Variants in VPS13D observed in about 807,000 individuals in gnomAD.
VPS13D encodes the protein intermembrane lipid transfer protein VPS13D.
VPS13D carries 187 observed loss-of-function variants against 461.9 expected under a neutral mutation model. The observed-to-expected ratio is 0.40, with a 90% CI of 0.36 to 0.46. VPS13D has a LOEUF of 0.46. Among genes scored for constraint, VPS13D ranks in the 20% least tolerant of loss-of-function variants. VPS13D has a pLI of 0.60. For synonymous variants in VPS13D, 1,951 were observed against 1,986.3 expected, an observed-to-expected ratio of 0.98 and a Z score of 0.47; for missense variants, 4,711 against 5,364.9, an observed-to-expected ratio of 0.88 and a Z score of 3.81.
At chr1:12,471,026 G>A (rs978213926) in intron 67 of VPS13D, among the ~76,000 whole-genome samples, 11 of 152,274 alleles carry the variant, frequency 7.2e-5, no homozygotes, top group Middle Eastern at 3.4e-3. Flanking sequence ...TGGGGGCCAG[G>A]CATGGTGGCT....
chr1:12,354,212 A>G lies in VPS13D; in HGVS notation c.9670A>G (p.Ile3224Val). Residue 3224 changes from isoleucine to valine, a missense_variant, in exon 47 of 70, where the codon ATT becomes GTT. Coordinates refer to ENST00000620676, the MANE Select transcript of VPS13D (RefSeq NM_015378.4). Reference sequence around the variant, plus strand: ...CCATACAGCTGATACATCCCAGAACATTGAGCTGGGTAAGAATGTAGTCAG... The same window carrying G: ...CCATACAGCTGATACATCCCAGAACGTTGAGCTGGGTAAGAATGTAGTCAG... ...ALHTADTSQN[I>V]ELGVSLENFP... The G allele has an allele frequency of 6.2e-7, 1 of 1,614,130 alleles. No individual in the cohort carries two copies. Among genetic ancestry groups the G allele is most frequent in the Non-Finnish European group, 8.5e-7 (1 of 1,179,988 alleles).
chr1:12,436,476 C>A (rs1645061897), intron 65 of VPS13D, among the ~76,000 whole-genome samples: 1 of 152,128 alleles, frequency 6.6e-6, no homozygotes, highest in Non-Finnish European at 1.5e-5. Context: ...AGGAGCTGGC[C>A]TAGTGGGGAA....
In VPS13D at chr1:12,363,117, A is replaced by G; in HGVS notation, c.10318A>G (p.Ser3440Gly). The change falls in exon 52 of 70, where the codon AGT becomes GGT. Residue 3440 changes from serine to glycine, a missense_variant. Transcript: ENST00000620676. ...EGYISTLPGS[S>G]VVFHWPRNDY... ...TTACATTTCCACCCTTCCTGGTTCC[A>G]GTGTGGTGTTCCACTGGCCTCGGAA... 6.2e-7 allele frequency: 1 copy of G among 1,614,210 alleles called. No homozygotes were observed. The highest frequency in any genetic ancestry group is 8.5e-7 in the Non-Finnish European group (1 of 1,180,036).
chr1:12,251,512 C>A (rs932747521), intron 6 of VPS13D, among the ~76,000 whole-genome samples: 1 of 152,186 alleles, frequency 6.6e-6, no homozygotes, highest in Admixed American at 6.5e-5. Flanking sequence ...AGGACCCACA[C>A]AGTAAAAAGA....
At chr1:12,255,685 G>A (rs1286902378) in intron 7 of VPS13D, among the ~76,000 whole-genome samples, 1 of 151,944 alleles carries the variant, frequency 6.6e-6, no homozygotes, top group African/African-American at 2.4e-5. Context: ...AAGGTCAGGA[G>A]ATCGAGACCA....
At chr1:12,384,704 C>T (rs552086925) in intron 58 of VPS13D, among the ~76,000 whole-genome samples, 24 of 152,214 alleles carry the variant, frequency 1.6e-4, no homozygotes, top group African/African-American at 3.4e-4. Flanking sequence ...ATTATAGCCT[C>T]GAACTCCTGG....
intron 55 of VPS13D, among the ~76,000 whole-genome samples, chr1:12,377,455 T>C (rs1311424435): frequency 2.0e-5 from 3 of 152,216 alleles, no homozygotes; most frequent in Admixed American, 6.5e-5. Context: ...ATGGATTATA[T>C]AGACTTTCAT....
At chr1:12,479,835 C>G (rs1239786842) in intron 67 of VPS13D, among the ~76,000 whole-genome samples, 2 of 152,198 alleles carry the variant, frequency 1.3e-5, no homozygotes, top group African/African-American at 4.8e-5. Context: ...TGCAAAGACC[C>G]TGGTTCACTT....
intron 35 of VPS13D, among the ~76,000 whole-genome samples, chr1:12,326,537 T>C (rs1316800744): frequency 1.3e-5 from 2 of 152,022 alleles, no homozygotes; most frequent in African/African-American, 4.8e-5. Context: ...GGTCTTGCTA[T>C]GTTGCCCAGG....
chr1:12,426,464 C>G (rs1644925804), intron 65 of VPS13D, among the ~76,000 whole-genome samples: 1 of 152,190 alleles, frequency 6.6e-6, no homozygotes, highest in Non-Finnish European at 1.5e-5. Context: ...ATTTTCAGGG[C>G]AGAGTACCCA....
At chr1:12,359,616 A>G (rs530958488) in intron 50 of VPS13D, among the ~76,000 whole-genome samples, 141 of 152,336 alleles carry the variant, frequency 9.3e-4, no homozygotes, top group Non-Finnish European at 1.5e-3. Context: ...ATGTGATATC[A>G]TTTACATATT....
chr1:12,405,700 T>C (rs1644644056), intron 63 of VPS13D, among the ~76,000 whole-genome samples: 1 of 152,240 alleles, frequency 6.6e-6, no homozygotes, highest in Non-Finnish European at 1.5e-5. Context: ...CACTATCTTG[T>C]TAATATCCAC....
intron 65 of VPS13D, among the ~76,000 whole-genome samples, chr1:12,434,191 A>G (rs1475258967): frequency 6.6e-6 from 1 of 152,164 alleles, no homozygotes; most frequent in Non-Finnish European, 1.5e-5. Flanking sequence ...CTTTTGCCGC[A>G]GTCTCCCTGG....
In VPS13D at chr1:12,331,093, C is replaced by G. The variant is rs115602738; in HGVS notation, c.8287+1175C>G. 5.6e-3 allele frequency among the ~76,000 whole-genome samples: 853 copies of G among 152,216 alleles called. 8 individuals carry two copies. The highest frequency in any genetic ancestry group is 0.019 in the African/African-American group (776 of 41,520). ...GTTTCTTTCTTCCCATTTGAAAGAC[C>G]AAGGTAAGAGCCTATACATACAGGT... is the stretch of plus-strand genomic sequence containing the variant. On this transcript the variant is annotated intron_variant, in intron 37 of 69. Transcript: ENST00000620676.
chr1:12,244,966 G>T (rs1427920407), intron 5 of VPS13D, among the ~76,000 whole-genome samples: 1 of 152,122 alleles, frequency 6.6e-6, no homozygotes, highest in Non-Finnish European at 1.5e-5. Flanking sequence ...ATGACTGTAT[G>T]GTTTCAGGGT....
At position 12,275,906 on chromosome 1, in the gene VPS13D, C is replaced by T. The variant is rs1329219618; in HGVS notation, c.2318C>T (p.Ala773Val). Reference sequence around the variant, plus strand: ...GATGATGAATATAAGACCCCCCTGGCCACACCTCCTAACACCCCACCTCCC... The same window carrying T: ...GATGATGAATATAAGACCCCCCTGGTCACACCTCCTAACACCCCACCTCCC... ...FSDDEYKTPL[A>V]TPPNTPPPES... Residue 773 changes from alanine to valine, a missense_variant, in exon 19 of 70, where the codon GCC becomes GTC. Ala to Val is a moderately conservative substitution (Grantham distance 64). Transcript: ENST00000620676. 24 of 1,613,800 alleles carry T rather than the reference C, an allele frequency of 1.5e-5. No individual in the cohort carries two copies. Among genetic ancestry groups the T allele is most frequent in the Non-Finnish European group, 1.9e-5 (22 of 1,179,962 alleles).
At chr1:12,469,713 G>T (rs371819878) in intron 67 of VPS13D, among the ~76,000 whole-genome samples, 1 of 152,166 alleles carries the variant, frequency 6.6e-6, no homozygotes. Context: ...CTTTTACTGG[G>T]TTTCTAGAAG....
Position 12,304,547 on chromosome 1 carries a change from C to G in VPS13D, c.6258C>G (p.His2086Gln). The change falls in exon 26 of 70, where the codon CAC becomes CAG. Residue 2086 changes from histidine (H) to glutamine (Q), a missense_variant. Physicochemically the swap from His to Gln is conservative, Grantham distance 24. Coordinates refer to ENST00000620676, the MANE Select transcript of VPS13D (RefSeq NM_015378.4). Reference sequence around the variant, plus strand: ...CTTCCCCAACGGGTATTCCCAAACACAGTCTGAGGAAAACGACAAGCACGG... The same window carrying G: ...CTTCCCCAACGGGTATTCCCAAACAGAGTCTGAGGAAAACGACAAGCACGG... ...PSASPTGIPK[H>Q]SLRKTTSTEE... 2 of 1,614,084 alleles carry G rather than the reference C, an allele frequency of 1.2e-6. No individual in the cohort carries two copies. Among genetic ancestry groups the G allele is most frequent in the Non-Finnish European group, 1.7e-6 (2 of 1,180,000 alleles).
chr1:12,452,270 A>G (rs144662399), intron 65 of VPS13D, among the ~76,000 whole-genome samples: 2 of 152,178 alleles, frequency 1.3e-5, no homozygotes, highest in East Asian at 1.9e-4. Flanking sequence ...CTGGACCTCT[A>G]TCTCCAGGCT....
Sources: gnomAD v4.1 joint callset for allele counts (sites outside exome capture counted in the v4.1 genomes callset) on GRCh38, gnomAD v4.1.1 for gene constraint, MANE v1.5 for transcripts, NCBI Gene and HGNC (gene_info 2026-07-23, HGNC 2026-07-21) for gene names.